Variants in RFX3 observed in about 807,000 individuals in gnomAD.
RFX3 encodes the protein transcription factor RFX3.
RFX3 carries 14 observed loss-of-function variants against 98.6 expected under a neutral mutation model. The observed-to-expected ratio is 0.14, with a 90% CI of 0.09 to 0.22. RFX3 has a LOEUF of 0.22. RFX3 is among the 10% of genes least tolerant of loss of function. The pLI, the probability that RFX3 is intolerant of heterozygous loss-of-function variation, is 1.00. For synonymous variants in RFX3, 383 were observed against 328.4 expected, an observed-to-expected ratio of 1.17 and a Z score of -1.80; for missense variants, 639 against 926.9, an observed-to-expected ratio of 0.69 and a Z score of 4.03.
rs1817188638 is a variant in RFX3 at position 3,218,546 on chromosome 9, C to T, written c.*6496G>A. ...TCGCCCACAAACTATTATTTAGCTC[C>T]TGCCAATTTTGAGAGGACATGATAT... On this transcript the variant is annotated 3_prime_UTR_variant, in exon 17 of 17. Coordinates refer to ENST00000617270, the MANE Select transcript of RFX3 (RefSeq NM_001282116.2). The T allele has an allele frequency of 6.6e-6, 1 of 152,068 alleles. No individual in the cohort carries two copies. Among genetic ancestry groups the T allele is most frequent in the Admixed American group, 6.6e-5 (1 of 15,264 alleles). The allele number at this position is 152,068 out of a possible 1,614,324, so 9.4% of individuals were successfully genotyped here. A position where few individuals can be genotyped will look rare whatever the true frequency, so the allele number is the denominator to read the frequency against.
At chr9:3,266,137 G>A in intron 12 of RFX3, 71 bp downstream of exon 12, 1 of 826,576 alleles carries the variant, frequency 1.2e-6, no homozygotes, top group Non-Finnish European at 2.0e-6. Context: ...CATTTGATAG[G>A]ATAGATGTAA....
At chr9:3,502,115 C>A (rs1478547989) in intron 1 of RFX3, among the ~76,000 whole-genome samples, 1 of 151,340 alleles carries the variant, frequency 6.6e-6, no homozygotes, top group Non-Finnish European at 1.5e-5. Context: ...AAAAATTAGC[C>A]GGGCGTAGTG....
At chr9:3,313,758 G>A (rs1830240535) in intron 4 of RFX3, among the ~76,000 whole-genome samples, 1 of 152,186 alleles carries the variant, frequency 6.6e-6, no homozygotes, top group Admixed American at 6.5e-5. Context: ...TGATTAAGTG[G>A]AAGAAAGGGT....
At chr9:3,425,794 G>A (rs1427070049) in intron 1 of RFX3, among the ~76,000 whole-genome samples, 1 of 151,954 alleles carries the variant, frequency 6.6e-6, no homozygotes, top group Non-Finnish European at 1.5e-5. Flanking sequence ...AGACCATGAG[G>A]TATTGTACCT....
chr9:3,358,300 G>C (rs1166316482), intron 2 of RFX3, among the ~76,000 whole-genome samples: 1 of 151,986 alleles, frequency 6.6e-6, no homozygotes, highest in African/African-American at 2.4e-5. Flanking sequence ...CAAGAGTCTT[G>C]TCTTTATGTC....
chr9:3,278,401 C>G (rs1398903520), intron 7 of RFX3, among the ~76,000 whole-genome samples: 2 of 151,746 alleles, frequency 1.3e-5, no homozygotes, highest in Non-Finnish European at 3.0e-5. Context: ...AACATACTAT[C>G]TAGAGATAAC....
At chr9:3,234,820 G>A (rs1818921414) in intron 15 of RFX3, among the ~76,000 whole-genome samples, 1 of 152,158 alleles carries the variant, frequency 6.6e-6, no homozygotes, top group African/African-American at 2.4e-5. Context: ...AACAGTGAAG[G>A]GAACAGAAGA....
chr9:3,505,139 ATAT>A (rs1433375433), intron 1 of RFX3, among the ~76,000 whole-genome samples: 1 of 98,872 alleles, frequency 1.0e-5, no homozygotes, highest in Admixed American at 1.5e-4. Flanking sequence ...TTATATTTAT[ATAT>A]TATATGAATA....
chr9:3,257,562 G>A (rs1822300070), intron 13 of RFX3, among the ~76,000 whole-genome samples: 1 of 152,144 alleles, frequency 6.6e-6, no homozygotes, highest in Admixed American at 6.5e-5. Flanking sequence ...CTTTCATACT[G>A]CTTTCAGAAG....
intron 15 of RFX3, among the ~76,000 whole-genome samples, chr9:3,240,088 G>C (rs1311666939): frequency 6.6e-6 from 1 of 152,250 alleles, no homozygotes; most frequent in East Asian, 1.9e-4. Context: ...TCTAGGGCCA[G>C]AGGCTGGCGA....
chr9:3,349,243 AT>A (rs1320213689), intron 2 of RFX3, among the ~76,000 whole-genome samples: 5 of 151,996 alleles, frequency 3.3e-5, no homozygotes, highest in African/African-American at 1.2e-4. Context: ...TTATCATGAA[AT>A]TTTATGGTTT....
At chr9:3,500,266 G>C (rs1293956921) in intron 1 of RFX3, among the ~76,000 whole-genome samples, 6 of 152,076 alleles carry the variant, frequency 3.9e-5, no homozygotes, top group African/African-American at 1.4e-4. Flanking sequence ...GCATAGCAAA[G>C]CAAAGCACAG....
chr9:3,330,351 T>A lies in RFX3; in HGVS notation c.382A>T (p.Ile128Phe). ...AGATAGGTTCCTCCAGAGCTGCTGA[T>A]GAGTTGTCCTCCTGTGACGCCCATC... ...IQMGVTGGQL[I>F]SSSGGTYLIG... is the part of the protein sequence containing the mutation. Residue 128 changes from isoleucine to phenylalanine, a missense_variant, in exon 4 of 17, where the codon ATC becomes TTC. This residue lies in a region of RFX3 where 210 missense variants were observed against 197.7 expected (regional missense o/e 1.06). Coordinates refer to ENST00000617270, the MANE Select transcript of RFX3 (RefSeq NM_001282116.2). The A allele has an allele frequency of 6.2e-7, 1 of 1,614,152 alleles. No homozygotes were observed. The highest frequency in any genetic ancestry group is 8.5e-7 in the Non-Finnish European group (1 of 1,180,014).
At chr9:3,492,702 G>A (rs982139619) in intron 1 of RFX3, among the ~76,000 whole-genome samples, 1 of 152,130 alleles carries the variant, frequency 6.6e-6, no homozygotes, top group Non-Finnish European at 1.5e-5. Flanking sequence ...GTAGACTGCA[G>A]GACACAGATG....
intron 3 of RFX3, among the ~76,000 whole-genome samples, chr9:3,336,382 G>A (rs1833178801): frequency 6.6e-6 from 1 of 151,416 alleles, no homozygotes; most frequent in Non-Finnish European, 1.5e-5. Context: ...ATAATTAGAA[G>A]TTTTCCTCAT....
Position 3,318,500 on chromosome 9 carries a change from A to T in RFX3, c.474+11759T>A, listed in dbSNP as rs183845047. 8.6e-5 allele frequency among the ~76,000 whole-genome samples: 13 copies of T among 151,878 alleles called. No homozygotes were observed. The East Asian group carries it at 2.3e-3, about 27-fold the overall frequency. On this transcript the variant is annotated intron_variant, in intron 4 of 16. Coordinates refer to ENST00000617270, the MANE Select transcript of RFX3 (RefSeq NM_001282116.2). ...AGAAACATGTACGTTGTGCACATGT[A>T]CCCTAGAAATTAAAGTAAAATAATA...
rs1401523393 is a variant in RFX3, at chr9:3,220,538, G to C, written c.*4504C>G. 1 of 151,834 alleles carries C rather than the reference G, an allele frequency of 6.6e-6. No individual in the cohort carries two copies. The highest frequency in any genetic ancestry group is 1.5e-5 in the Non-Finnish European group (1 of 67,970). 9.4% of individuals were successfully genotyped at this position (151,834 alleles called of 1,614,324 possible). On this transcript the variant is annotated 3_prime_UTR_variant, in exon 17 of 17. Transcript: ENST00000617270. The stretch of plus-strand genomic sequence containing the variant: ...AAACAGTACACTTACTTAGATGGCA[G>C]TGAATATTTGGGAATAAATATATCA...
intron 1 of RFX3, among the ~76,000 whole-genome samples, chr9:3,479,900 A>G (rs1037399449): frequency 5.3e-5 from 8 of 152,188 alleles, no homozygotes; most frequent in Non-Finnish European, 1.0e-4. Flanking sequence ...ACCCAAGTAT[A>G]GGCCAAAATC....
At chr9:3,313,225 G>C (rs1277033406) in intron 4 of RFX3, among the ~76,000 whole-genome samples, 1 of 152,196 alleles carries the variant, frequency 6.6e-6, no homozygotes, top group South Asian at 2.1e-4. Context: ...CTGTTCTGCA[G>C]ACTCCACTGG....
Sources: allele counts gnomAD v4.1 joint callset (sites outside exome capture counted in the v4.1 genomes callset), GRCh38; gene constraint gnomAD v4.1.1; regional missense constraint gnomAD v4.1.1; transcripts MANE v1.5; gene names NCBI Gene and HGNC (gene_info 2026-07-23, HGNC 2026-07-21).